Variants in PLA2G4A observed in about 807,000 individuals in gnomAD.
PLA2G4A encodes phospholipase A2 group IVA, also known as cytosolic phospholipase A2.
Under a neutral mutation model 81.9 loss-of-function variants are expected in PLA2G4A, and 40 were observed. The observed-to-expected ratio is 0.49, with a 90% CI of 0.38 to 0.64. The LOEUF is 0.64. PLA2G4A is among the 30% of genes least tolerant of loss of function. The pLI, the probability that PLA2G4A is intolerant of heterozygous loss-of-function variation, is 0.00. For synonymous variants in PLA2G4A, 302 were observed against 296.9 expected (o/e 1.02, Z -0.18); for missense variants, 715 against 905.1 (o/e 0.79, Z 2.69).
chr1:186,876,485 A>C (rs553894381), intron 3 of PLA2G4A, among the ~76,000 whole-genome samples: 9 of 152,212 alleles, frequency 5.9e-5, no homozygotes, highest in Admixed American at 5.9e-4. Context: ...GAATTCAGTG[A>C]TCTCCCTCAC....
chr1:186,896,370 G>A (rs901737121), intron 5 of PLA2G4A, among the ~76,000 whole-genome samples: 1 of 152,210 alleles, frequency 6.6e-6, no homozygotes, highest in African/African-American at 2.4e-5. Context: ...AGTCTTGAAA[G>A]AAGAAAGCAA....
chr1:186,837,197 G>A (rs1203185195), intron 1 of PLA2G4A, among the ~76,000 whole-genome samples: 1 of 152,176 alleles, frequency 6.6e-6, no homozygotes, highest in East Asian at 1.9e-4. Context: ...GAATGATCTT[G>A]ATTAGTGCAG....
chr1:186,886,423 C>T (rs16826060), intron 3 of PLA2G4A, among the ~76,000 whole-genome samples: 23,748 of 152,044 alleles, frequency 0.16, 2,406 homozygotes, highest in East Asian at 0.45. Context: ...CCTCAACCAG[C>T]TTAGTACATG....
rs185962400 is a variant in PLA2G4A at position 186,854,328 on chromosome 1, A to G, written c.-27A>G. The G allele has an allele frequency of 6.0e-5, 88 of 1,455,754 alleles. No homozygotes were observed. The African/African-American group carries it at 1.1e-3, about 18-fold the overall frequency. The allele number at this position is 1,455,754 out of a possible 1,614,324, so 90.2% of individuals were successfully genotyped here. Reference sequence around the variant, plus strand: ...GTGCCAAAGAAGACTTTGAAGTGTGAAAACATTTCCTGTAATTGAAACCAA... The same window carrying G: ...GTGCCAAAGAAGACTTTGAAGTGTGGAAACATTTCCTGTAATTGAAACCAA... On this transcript the variant is annotated 5_prime_UTR_variant, in exon 2 of 18. Coordinates refer to ENST00000367466, the MANE Select transcript of PLA2G4A (RefSeq NM_024420.3).
chr1:186,941,436 T>A (rs1488088381), intron 10 of PLA2G4A, among the ~76,000 whole-genome samples: 1 of 152,204 alleles, frequency 6.6e-6, no homozygotes, highest in Non-Finnish European at 1.5e-5. Flanking sequence ...GGCTAAAATG[T>A]TTGTCATGCT....
chr1:186,946,965 T>C lies in PLA2G4A; in HGVS notation c.1264+4T>C. 6.6e-7 allele frequency: 1 copy of C among 1,514,350 alleles called. No individual in the cohort carries two copies. Among genetic ancestry groups the C allele is most frequent in the Non-Finnish European group, 9.2e-7 (1 of 1,089,030 alleles). 93.8% of individuals were successfully genotyped at this position (1,514,350 alleles called of 1,614,324 possible). A position where few individuals can be genotyped will look rare whatever the true frequency, so the allele number is the denominator to read the frequency against. ...TCCACAATGGAGGAAGAATTAGGTA[T>C]CCTAAAGATATGCTTACATTGATAC... On this transcript the variant is annotated splice_donor_region_variant and intron_variant, in intron 12 of 17. Transcript: ENST00000367466.
At chr1:186,841,871 T>C (rs897853202) in intron 1 of PLA2G4A, among the ~76,000 whole-genome samples, 1 of 152,108 alleles carries the variant, frequency 6.6e-6, no homozygotes, top group Non-Finnish European at 1.5e-5. Context: ...AAATGTGAAG[T>C]GGTTAGACGT....
chr1:186,885,697 T>A (rs1219753438), intron 3 of PLA2G4A, among the ~76,000 whole-genome samples: 2 of 152,250 alleles, frequency 1.3e-5, no homozygotes, highest in African/African-American at 4.8e-5. Flanking sequence ...TGGAGGATTT[T>A]ACCAGGAAAC....
At chr1:186,912,792 AT>A (rs1164326622) in intron 7 of PLA2G4A, among the ~76,000 whole-genome samples, 1 of 137,090 alleles carries the variant, frequency 7.3e-6, no homozygotes, top group African/African-American at 3.1e-5. Flanking sequence ...ACTTATATAT[AT>A]ATGTATATAT....
chr1:186,963,715 T>C (rs996220762), intron 14 of PLA2G4A, among the ~76,000 whole-genome samples: 3 of 152,242 alleles, frequency 2.0e-5, no homozygotes, highest in African/African-American at 7.2e-5. Flanking sequence ...TTATTTGTTA[T>C]TCAGTATTTT....
chr1:186,899,236 GA>G (rs1654452785), intron 5 of PLA2G4A, among the ~76,000 whole-genome samples: 1 of 152,148 alleles, frequency 6.6e-6, no homozygotes. Context: ...ACTCCAAGTA[GA>G]AAGGCTCTGA....
intron 14 of PLA2G4A, among the ~76,000 whole-genome samples, chr1:186,962,596 T>A (rs1021989789): frequency 6.6e-6 from 1 of 151,956 alleles, no homozygotes; most frequent in African/African-American, 2.4e-5. Context: ...ATCTCGGCTC[T>A]CTGCAAGCTC....
chr1:186,846,361 T>C (rs1652174574), intron 1 of PLA2G4A, among the ~76,000 whole-genome samples: 1 of 152,224 alleles, frequency 6.6e-6, no homozygotes, highest in Admixed American at 6.5e-5. Context: ...TCTTTGTTTC[T>C]TCCCTTGAAC....
chr1:186,928,440 G>A (rs1268343566), intron 7 of PLA2G4A, among the ~76,000 whole-genome samples: 1 of 152,108 alleles, frequency 6.6e-6, no homozygotes, highest in African/African-American at 2.4e-5. Context: ...ATGACAAAAA[G>A]ACTTGCCTCA....
intron 10 of PLA2G4A, among the ~76,000 whole-genome samples, chr1:186,943,538 T>C (rs1034370997): frequency 6.6e-6 from 1 of 152,154 alleles, no homozygotes; most frequent in Non-Finnish European, 1.5e-5. Flanking sequence ...GACATAAGTG[T>C]GTAGACCTGA....
chr1:186,963,828 T>A (rs1309002112), intron 14 of PLA2G4A, among the ~76,000 whole-genome samples: 1 of 152,226 alleles, frequency 6.6e-6, no homozygotes, highest in Non-Finnish European at 1.5e-5. Context: ...TATGCCAAAG[T>A]CTTATTCTTT....
intron 7 of PLA2G4A, among the ~76,000 whole-genome samples, chr1:186,916,939 A>G (rs1173255971): frequency 6.6e-6 from 1 of 152,206 alleles, no homozygotes; most frequent in Non-Finnish European, 1.5e-5. Context: ...TCGGCTGTGC[A>G]TAGACCAGTC....
intron 15 of PLA2G4A, among the ~76,000 whole-genome samples, chr1:186,975,501 G>A (rs1657499617): frequency 6.6e-6 from 1 of 152,162 alleles, no homozygotes; most frequent in Non-Finnish European, 1.5e-5. Context: ...TTCTTCTAAT[G>A]TAAACTACTG....
chr1:186,903,291 T>C (rs901219641), intron 5 of PLA2G4A, among the ~76,000 whole-genome samples: 4 of 152,180 alleles, frequency 2.6e-5, no homozygotes, highest in Non-Finnish European at 4.4e-5. Context: ...TAATGTTTTA[T>C]TGAAAGTAAA....
Sources: gnomAD v4.1 joint callset for allele counts (sites outside exome capture counted in the v4.1 genomes callset) on GRCh38, gnomAD v4.1.1 for gene constraint, MANE v1.5 for transcripts, NCBI Gene and HGNC (gene_info 2026-07-23, HGNC 2026-07-21) for gene names.